Variants in DDAH1 observed in about 807,000 individuals in gnomAD.
The protein encoded by DDAH1 is dimethylarginine dimethylaminohydrolase 1.
A neutral mutation model predicts 28.8 loss-of-function variants in DDAH1; 19 were observed. The observed-to-expected ratio is 0.66, with a 90% CI of 0.46 to 0.97. The LOEUF is 0.97. Ranked by LOEUF, DDAH1 falls within the 50% of genes least tolerant of loss-of-function variation. The probability of loss-of-function intolerance (pLI) is 0.00; values close to 1 mark genes in which losing one functional copy is unlikely to be tolerated. For missense variants in DDAH1, 326 were observed against 375.9 expected (o/e 0.87, Z 1.10); for synonymous variants, 153 against 154.4 (o/e 0.99, Z 0.07).
intron 1 of DDAH1, among the ~76,000 whole-genome samples, chr1:85,512,549 G>A (rs1657284469): frequency 6.6e-6 from 1 of 152,200 alleles, no homozygotes; most frequent in African/African-American, 2.4e-5. Flanking sequence ...AGGAAAAGAG[G>A]AAGTCAAATT....
At chr1:85,525,725 A>G (rs1657847530) in intron 1 of DDAH1, among the ~76,000 whole-genome samples, 1 of 152,072 alleles carries the variant, frequency 6.6e-6, no homozygotes, top group Admixed American at 6.6e-5. Flanking sequence ...CCCATCTTCC[A>G]TTCACCAATG....
intron 1 of DDAH1, among the ~76,000 whole-genome samples, chr1:85,571,787 C>CT (rs58835610): frequency 0.049 from 4,176 of 85,532 alleles, 210 homozygotes; most frequent in African/African-American, 0.08. Context: ...TGTTTATAAG[C>CT]TTTTTTTTTT....
intron 2 of DDAH1, among the ~76,000 whole-genome samples, chr1:85,475,395 G>A (rs1400969804): frequency 6.6e-6 from 1 of 152,126 alleles, no homozygotes; most frequent in East Asian, 1.9e-4. Flanking sequence ...TTCAACAAAG[G>A]TTACTCCCTT....
At chr1:85,379,050 A>G (rs761623233) in intron 1 of DDAH1, among the ~76,000 whole-genome samples, 1 of 152,218 alleles carries the variant, frequency 6.6e-6, no homozygotes, top group Non-Finnish European at 1.5e-5. Context: ...CACTTAATCT[A>G]TTGCTCCATT....
chr1:85,426,920 AC>A (rs1430871383), intron 1 of DDAH1, among the ~76,000 whole-genome samples: 19 of 111,288 alleles, frequency 1.7e-4, no homozygotes, highest in African/African-American at 5.6e-4. Flanking sequence ...CTTAAAAAAA[AC>A]AAAAAAAAAA....
chr1:85,425,685 T>C (rs1653362660), intron 1 of DDAH1, among the ~76,000 whole-genome samples: 1 of 152,168 alleles, frequency 6.6e-6, no homozygotes, highest in Non-Finnish European at 1.5e-5. Flanking sequence ...AGTTTAAAAT[T>C]TCCCTCCAAA....
At chr1:85,373,529 A>G (rs926105976) in intron 1 of DDAH1, among the ~76,000 whole-genome samples, 1 of 152,096 alleles carries the variant, frequency 6.6e-6, no homozygotes, top group Non-Finnish European at 1.5e-5. Context: ...AGTGTTTAAC[A>G]GTTCCTCCTT....
chr1:85,557,601 A>C (rs1215503900), intron 1 of DDAH1, among the ~76,000 whole-genome samples: 2 of 152,224 alleles, frequency 1.3e-5, no homozygotes, highest in Non-Finnish European at 2.9e-5. Flanking sequence ...TTTAAAGAGA[A>C]GAACCGAACT....
At chr1:85,348,144 C>T (rs925926473) in intron 4 of DDAH1, among the ~76,000 whole-genome samples, 5 of 152,086 alleles carry the variant, frequency 3.3e-5, no homozygotes, top group South Asian at 4.2e-4. Flanking sequence ...AACACTAACT[C>T]GAATGAACTC....
At chr1:85,330,389 G>A (rs1422195261) in intron 4 of DDAH1, among the ~76,000 whole-genome samples, 1 of 152,102 alleles carries the variant, frequency 6.6e-6, no homozygotes, top group East Asian at 1.9e-4. Flanking sequence ...GCAGCTGTTG[G>A]GCCGTTTAGT....
rs1324599101 is a variant in DDAH1, at chr1:85,350,402, G to C, written c.597+13C>G. On this transcript the variant is annotated intron_variant, in intron 4 of 5. Coordinates refer to ENST00000284031, the MANE Select transcript of DDAH1 (RefSeq NM_012137.4). ...CCCCACTACATTTAGAAGGAGCACA[G>C]TTTTGTATTTACCTTAAGGGCCTTC... 6.2e-7 allele frequency: 1 copy of C among 1,611,648 alleles called. No homozygotes were observed. The highest frequency in any genetic ancestry group is 8.5e-7 in the Non-Finnish European group (1 of 1,179,186).
intron 1 of DDAH1, among the ~76,000 whole-genome samples, chr1:85,364,545 T>C (rs1649960627): frequency 7.2e-6 from 1 of 138,234 alleles, no homozygotes; most frequent in African/African-American, 2.6e-5. Flanking sequence ...TATGTGCTGA[T>C]TACTTTCTTT....
chr1:85,416,743 C>CTGTA (rs1652904995), intron 1 of DDAH1, among the ~76,000 whole-genome samples: 2 of 152,140 alleles, frequency 1.3e-5, no homozygotes, highest in African/African-American at 4.8e-5. Context: ...TCATGGCTCA[C>CTGTA]TGTAACCTTT....
chr1:85,319,091 T>C lies in DDAH1; in HGVS notation c.*2361A>G, dbSNP rs1031710690. On this transcript the variant is annotated 3_prime_UTR_variant, in exon 6 of 6. Transcript: ENST00000284031. ...CAACAGATGAGGAAAACTTATGTGA[T>C]AGTATCTTTCCTTTTCAAAAATAAC... 3 of 152,236 alleles carry C rather than the reference T, an allele frequency of 2.0e-5. No individual in the cohort carries two copies. The highest frequency in any genetic ancestry group is 2.4e-5 in the African/African-American group (1 of 41,466). The allele number at this position is 152,236 out of a possible 1,614,324, so 9.4% of individuals were successfully genotyped here.
rs897446835 is a variant in DDAH1, at chr1:85,554,562, A to T, written c.-123+23422T>A. ...TCCTTAGTCTCCTGGAGAAGTCTTA[A>T]CTTTGTCTCTACTTTTAGAATAAAG... On this transcript the variant is annotated intron_variant, in intron 1 of 6. Coordinates refer to the DDAH1 transcript ENST00000426972. 2.6e-5 allele frequency among the ~76,000 whole-genome samples: 4 copies of T among 152,202 alleles called. No individual in the cohort carries two copies. In the East Asian group the frequency reaches 7.7e-4, roughly 29 times the overall value.
exon 1 of DDAH1, chr1:85,577,984 C>T: frequency 1.0e-6 from 1 of 985,466 alleles, no homozygotes; most frequent in Non-Finnish European, 1.2e-6. Flanking sequence ...CAACACTTAC[C>T]CATAAACATT....
intron 3 of DDAH1, among the ~76,000 whole-genome samples, chr1:85,350,820 G>A (rs1387152006): frequency 6.6e-6 from 1 of 152,180 alleles, no homozygotes; most frequent in Non-Finnish European, 1.5e-5. Context: ...TGTGTAAACA[G>A]TGGCTCAGCT....
chr1:85,402,133 G>A (rs974150201), intron 1 of DDAH1, among the ~76,000 whole-genome samples: 1 of 149,444 alleles, frequency 6.7e-6, no homozygotes, highest in Non-Finnish European at 1.5e-5. Flanking sequence ...CTACAGGTAC[G>A]CAACCACCAC....
chr1:85,504,406 A>G (rs1017384269), intron 1 of DDAH1, among the ~76,000 whole-genome samples: 2 of 152,224 alleles, frequency 1.3e-5, no homozygotes, highest in Non-Finnish European at 2.9e-5. Flanking sequence ...GCTCTCAACA[A>G]TAGTCTTTGG....
Sources: allele counts gnomAD v4.1 joint callset (sites outside exome capture counted in the v4.1 genomes callset), GRCh38; gene constraint gnomAD v4.1.1; transcripts MANE v1.5; gene names NCBI Gene and HGNC (gene_info 2026-07-23, HGNC 2026-07-21).